CLVS2: variants seen among roughly 807,000 people sequenced by gnomAD.
CLVS2 encodes clavesin-2.
A neutral mutation model predicts 29.0 loss-of-function variants in CLVS2; 19 were observed. That is an observed-to-expected ratio of 0.66 (90% confidence interval 0.46 to 0.96). The LOEUF (loss-of-function observed/expected upper bound fraction) is 0.96, where lower values mean the gene tolerates loss of function less well. CLVS2 is among the 40% of genes least tolerant of loss of function. The pLI is 0.00. For missense variants in CLVS2, 294 were observed against 404.1 expected, an observed-to-expected ratio of 0.73 and a Z score of 2.34; for synonymous variants, 161 against 151.3, an observed-to-expected ratio of 1.06 and a Z score of -0.47.
At chr6:123,019,773 C>G (rs914658365) in intron 3 of CLVS2, among the ~76,000 whole-genome samples, 4 of 152,018 alleles carry the variant, frequency 2.6e-5, no homozygotes, top group Non-Finnish European at 5.9e-5. Flanking sequence ...GTTATGGAGG[C>G]TGAGAAGTCC....
chr6:123,022,549 T>C (rs963879292), intron 3 of CLVS2, among the ~76,000 whole-genome samples: 10 of 152,056 alleles, frequency 6.6e-5, no homozygotes, highest in Non-Finnish European at 1.2e-4. Flanking sequence ...ATGGTGATGA[T>C]AATGATGATG....
chr6:122,999,166 T>C (rs1179329055), intron 2 of CLVS2, among the ~76,000 whole-genome samples: 3 of 152,192 alleles, frequency 2.0e-5, no homozygotes, highest in Non-Finnish European at 2.9e-5. Context: ...GGTGTATTTT[T>C]AGTTCTGTGA....
intron 3 of CLVS2, among the ~76,000 whole-genome samples, chr6:123,024,026 A>C (rs1168161364): frequency 4.6e-5 from 7 of 152,164 alleles, no homozygotes; most frequent in African/African-American, 2.4e-5. Context: ...TGTAACAAGA[A>C]GATGAACCCT....
intron 4 of CLVS2, among the ~76,000 whole-genome samples, chr6:123,053,630 G>A (rs555505065): frequency 1.2e-3 from 181 of 152,212 alleles, no homozygotes; most frequent in African/African-American, 4.2e-3. Context: ...GAGAGTATTT[G>A]GACTATGAAT....
intron 2 of CLVS2, among the ~76,000 whole-genome samples, chr6:123,009,359 T>C (rs1191078170): frequency 6.6e-6 from 1 of 152,136 alleles, no homozygotes; most frequent in East Asian, 1.9e-4. Flanking sequence ...TGATTAATGC[T>C]AGGATTCTAA....
chr6:122,999,066 G>T (rs1288215779), intron 2 of CLVS2, among the ~76,000 whole-genome samples: 1 of 152,244 alleles, frequency 6.6e-6, no homozygotes, highest in African/African-American at 2.4e-5. Context: ...GTGCAAGGTA[G>T]TTTCAATTAA....
chr6:123,065,551 G>T lies in CLVS2; in HGVS notation c.*1790G>T, dbSNP rs1772841284. The T allele has an allele frequency of 6.6e-6, 1 of 151,782 alleles. No homozygotes were observed. The highest frequency in any genetic ancestry group is 2.4e-5 in the African/African-American group (1 of 41,386). The allele number at this position is 151,782 out of a possible 1,614,324, so 9.4% of individuals were successfully genotyped here. ...AGTGCAGAAGAATAATGACTGTCAGGCACTCTGCTCTCCTTGTGACTTTTA... is the reference window on the plus strand; with the variant it reads ...AGTGCAGAAGAATAATGACTGTCAGTCACTCTGCTCTCCTTGTGACTTTTA... On this transcript the variant is annotated 3_prime_UTR_variant, in exon 6 of 6. Coordinates refer to ENST00000275162, the MANE Select transcript of CLVS2 (RefSeq NM_001010852.4).
intron 3 of CLVS2, among the ~76,000 whole-genome samples, chr6:123,042,469 T>C (rs1176346220): frequency 2.0e-5 from 3 of 152,144 alleles, no homozygotes; most frequent in Non-Finnish European, 4.4e-5. Flanking sequence ...TAATGAGGAA[T>C]GAAAGTTAAG....
rs193185731 is a variant in CLVS2 at position 123,068,761 on chromosome 6, C to A, written c.*5000C>A. 6.6e-6 allele frequency: 1 copy of A among 151,688 alleles called. No homozygotes were observed. Among genetic ancestry groups the A allele is most frequent in the African/African-American group, 2.4e-5 (1 of 41,490 alleles). The allele number at this position is 151,688 out of a possible 1,614,324, so 9.4% of individuals were successfully genotyped here. The stretch of plus-strand genomic sequence containing the variant: ...TACAAACTACTTATTTAGTACTACA[C>A]GGCATTTACTATTTGGCCTTTTGAA... On this transcript the variant is annotated 3_prime_UTR_variant, in exon 6 of 6. Coordinates refer to ENST00000275162, the MANE Select transcript of CLVS2 (RefSeq NM_001010852.4).
intron 3 of CLVS2, among the ~76,000 whole-genome samples, chr6:123,031,715 C>A (rs1468372452): frequency 6.6e-6 from 1 of 151,830 alleles, no homozygotes; most frequent in South Asian, 2.1e-4. Context: ...GTGGCTGTTT[C>A]CAGAAGATTG....
chr6:123,012,057 G>C (rs1774755815), intron 3 of CLVS2, among the ~76,000 whole-genome samples: 1 of 151,820 alleles, frequency 6.6e-6, no homozygotes, highest in Non-Finnish European at 1.5e-5. Flanking sequence ...CCAGGTGCTG[G>C]AAATCTTCGA....
chr6:123,010,493 C>T (rs1281610745), intron 2 of CLVS2, among the ~76,000 whole-genome samples: 1 of 152,060 alleles, frequency 6.6e-6, no homozygotes, highest in African/African-American at 2.4e-5. Flanking sequence ...TACCACCTTT[C>T]CTTTTCTTTA....
chr6:123,046,160 A>C (rs1179622653), intron 3 of CLVS2, among the ~76,000 whole-genome samples: 1 of 152,144 alleles, frequency 6.6e-6, no homozygotes, highest in Non-Finnish European at 1.5e-5. Flanking sequence ...TTTAAGCTAA[A>C]TCTACTTGAT....
chr6:123,005,566 A>G (rs1045647249), intron 2 of CLVS2, among the ~76,000 whole-genome samples: 2 of 152,194 alleles, frequency 1.3e-5, no homozygotes, highest in Admixed American at 6.5e-5. Context: ...GTAGAGGGAT[A>G]TGACCTATTT....
chr6:123,051,227 G>A (rs1205012394), intron 4 of CLVS2, among the ~76,000 whole-genome samples: 2 of 152,056 alleles, frequency 1.3e-5, no homozygotes, highest in East Asian at 3.9e-4. Flanking sequence ...ACAAACTCAG[G>A]TGTGCAAGAA....
intron 3 of CLVS2, among the ~76,000 whole-genome samples, chr6:123,031,205 A>G (rs1775078993): frequency 6.6e-6 from 1 of 152,104 alleles, no homozygotes. Context: ...TCCTGGGTTC[A>G]AGTGATCCTC....
chr6:123,000,644 C>G lies in CLVS2; in HGVS notation c.389+2478C>G, dbSNP rs1178434096. 2.6e-5 allele frequency among the ~76,000 whole-genome samples: 4 copies of G among 152,290 alleles called. No homozygotes were observed. The East Asian group carries it at 7.7e-4, about 29-fold the overall frequency. ...TCTGTTAGGTGGATAATGCCATGTG[C>G]TAGTTTCTCTTATCCCTCATCCCTC... On this transcript the variant is annotated intron_variant, in intron 2 of 5. Coordinates refer to ENST00000275162, the MANE Select transcript of CLVS2 (RefSeq NM_001010852.4).
chr6:123,021,832 G>C (rs1407299336), intron 3 of CLVS2, among the ~76,000 whole-genome samples: 1 of 152,062 alleles, frequency 6.6e-6, no homozygotes, highest in Non-Finnish European at 1.5e-5. Context: ...GCTGGTATGG[G>C]TGAGGATGAG....
Position 123,071,360 on chromosome 6 carries a change from C to G in CLVS2, c.*7599C>G, listed in dbSNP as rs1016858642. ...CATGAATCAAAAATGATATCCTCTT[C>G]TCCCCAATTGTGATCTCTATCCCTG... On this transcript the variant is annotated 3_prime_UTR_variant, in exon 6 of 6. Coordinates refer to ENST00000275162, the MANE Select transcript of CLVS2 (RefSeq NM_001010852.4). 1 of 151,978 alleles carries G rather than the reference C, an allele frequency of 6.6e-6. No homozygotes were observed. Among genetic ancestry groups the G allele is most frequent in the African/African-American group, 2.4e-5 (1 of 41,436 alleles). 9.4% of individuals were successfully genotyped at this position (151,978 alleles called of 1,614,324 possible). A position where few individuals can be genotyped will look rare whatever the true frequency, so the allele number is the denominator to read the frequency against.
Sources: allele counts gnomAD v4.1 joint callset (sites outside exome capture counted in the v4.1 genomes callset), GRCh38; gene constraint gnomAD v4.1.1; transcripts MANE v1.5; gene names NCBI Gene and HGNC (gene_info 2026-07-23, HGNC 2026-07-21).